Variants in PVALB observed in about 807,000 individuals in gnomAD.
PVALB encodes parvalbumin alpha.
PVALB carries 11 observed loss-of-function variants against 10.9 expected under a neutral mutation model. That is an observed-to-expected ratio of 1.01 (90% confidence interval 0.63 to 1.67). The LOEUF is 1.67. Ranked by LOEUF, PVALB falls within the 40% of genes most tolerant of loss-of-function variation. The pLI is 0.00. For missense variants in PVALB, 131 were observed against 136.2 expected (o/e 0.96, Z 0.19); for synonymous variants, 57 against 50.7 (o/e 1.12, Z -0.53).
At chr22:36,804,433 C>T (rs994239789) in intron 3 of PVALB, among the ~76,000 whole-genome samples, 7 of 152,322 alleles carry the variant, frequency 4.6e-5, no homozygotes, top group African/African-American at 1.2e-4. Context: ...TAGCCACATG[C>T]GCTGGCCTTC....
chr22:36,812,998 T>C (rs1158956313), intron 3 of PVALB, among the ~76,000 whole-genome samples: 2 of 152,234 alleles, frequency 1.3e-5, no homozygotes, highest in South Asian at 2.1e-4. Flanking sequence ...TGTGCTGACA[T>C]TGAAGCCTGC....
chr22:36,808,730 G>C (rs765824294), intron 3 of PVALB, among the ~76,000 whole-genome samples: 4 of 152,216 alleles, frequency 2.6e-5, no homozygotes, highest in Non-Finnish European at 5.9e-5. Flanking sequence ...GAGACCTGTT[G>C]TGAAGGTGAA....
chr22:36,812,882 G>A (rs79494138), intron 3 of PVALB, among the ~76,000 whole-genome samples: 3,775 of 152,276 alleles, frequency 0.025, 162 homozygotes, highest in African/African-American at 0.086. Context: ...AGATAATTCC[G>A]GAGAAAATCA....
intron 3 of PVALB, among the ~76,000 whole-genome samples, chr22:36,801,348 G>A (rs759875349): frequency 6.6e-6 from 1 of 152,116 alleles, no homozygotes; most frequent in Non-Finnish European, 1.5e-5. Context: ...TGAGGCTCAG[G>A]GTCCTGATTT....
At chr22:36,804,806 C>T (rs559470663) in intron 3 of PVALB, among the ~76,000 whole-genome samples, 18 of 152,146 alleles carry the variant, frequency 1.2e-4, no homozygotes, top group African/African-American at 2.4e-4. Context: ...TGGTGGCGCG[C>T]GCCTGTAATC....
intron 3 of PVALB, among the ~76,000 whole-genome samples, chr22:36,804,550 C>T (rs914950812): frequency 2.6e-5 from 4 of 152,214 alleles, no homozygotes; most frequent in Non-Finnish European, 5.9e-5. Context: ...TCCTATCTGC[C>T]TCAGGGCTGA....
chr22:36,816,767 G>C (rs1601525425), intron 1 of PVALB, among the ~76,000 whole-genome samples, 178 bp downstream of exon 1: 1 of 152,138 alleles, frequency 6.6e-6, no homozygotes, highest in South Asian at 2.1e-4. Flanking sequence ...GCCAAGCCTC[G>C]CCCGGACAGA....
Position 36,800,768 on chromosome 22 carries a change from A to G in PVALB, c.*122T>C. The G allele has an allele frequency of 1.8e-6, 2 of 1,092,058 alleles. No homozygotes were observed. The highest frequency in any genetic ancestry group is 2.8e-6 in the Non-Finnish European group (2 of 708,460). 67.6% of individuals were successfully genotyped at this position (1,092,058 alleles called of 1,614,324 possible). A position where few individuals can be genotyped will look rare whatever the true frequency, so the allele number is the denominator to read the frequency against. ...AAGAATGGTGTCATTAGAGGGCCAC[A>G]GGGGATGGGGGAGTAAAAAATAACA... is the stretch of plus-strand genomic sequence containing the variant. On this transcript the variant is annotated 3_prime_UTR_variant, in exon 4 of 4. Coordinates refer to ENST00000417718, the MANE Select transcript of PVALB (RefSeq NM_001315532.2).
chr22:36,808,104 CG>C (rs757276537), intron 3 of PVALB, among the ~76,000 whole-genome samples: 7 of 152,216 alleles, frequency 4.6e-5, no homozygotes, highest in Non-Finnish European at 1.0e-4. Flanking sequence ...ACGGGGCATG[CG>C]GATCTTCTCT....
In PVALB at chr22:36,812,031, AAC is replaced by A. The variant is rs576948643; in HGVS notation, c.304+1613_304+1614del. 1.3e-4 allele frequency among the ~76,000 whole-genome samples: 20 copies of A among 151,836 alleles called. No individual in the cohort carries two copies. The South Asian group carries it at 3.9e-3, about 30-fold the overall frequency. On this transcript the variant is annotated intron_variant, in intron 3 of 3. Transcript: ENST00000417718. ...CAGAAAAGAAATCAACAACAACAACAACAAAAAAAACCCTCTAACTCATAGGC... is the reference window on the plus strand; with the variant it reads ...CAGAAAAGAAATCAACAACAACAACAAAAAAAAACCCTCTAACTCATAGGC...
chr22:36,807,535 T>G (rs987666391), intron 3 of PVALB, among the ~76,000 whole-genome samples: 2 of 152,246 alleles, frequency 1.3e-5, no homozygotes, highest in East Asian at 1.9e-4. Flanking sequence ...AGGATTGAGA[T>G]TCCACCACTT....
chr22:36,803,074 G>A (rs1397289273), intron 3 of PVALB, among the ~76,000 whole-genome samples: 1 of 152,164 alleles, frequency 6.6e-6, no homozygotes, highest in East Asian at 1.9e-4. Flanking sequence ...AATGTGGGAA[G>A]CATTTTGCAT....
chr22:36,809,790 A>G (rs1939017297), intron 3 of PVALB, among the ~76,000 whole-genome samples: 1 of 150,440 alleles, frequency 6.6e-6, no homozygotes, highest in Non-Finnish European at 1.5e-5. Context: ...CCACTGAGAC[A>G]TCTGTGAAAT....
At chr22:36,808,046 G>C (rs1382829358) in intron 3 of PVALB, among the ~76,000 whole-genome samples, 1 of 152,214 alleles carries the variant, frequency 6.6e-6, no homozygotes, top group Non-Finnish European at 1.5e-5. Context: ...CGCCGGGAAT[G>C]GGTTTCAGGA....
intron 3 of PVALB, among the ~76,000 whole-genome samples, chr22:36,809,860 T>TTTG (rs1569092150): frequency 6.6e-6 from 1 of 151,360 alleles, no homozygotes; most frequent in Non-Finnish European, 1.5e-5. Context: ...CCCATGTTTT[T>TTTG]TTTTTTTTTT....
At chr22:36,812,672 GC>G (rs1179207819) in intron 3 of PVALB, among the ~76,000 whole-genome samples, 1 of 152,080 alleles carries the variant, frequency 6.6e-6, no homozygotes, top group African/African-American at 2.4e-5. Context: ...AACCCAGATA[GC>G]CTGGGGCCCA....
At chr22:36,817,243 C>T (rs1939158887), upstream of PVALB, 1 of 345,570 alleles carries the variant, frequency 2.9e-6, no homozygotes, top group Non-Finnish European at 5.2e-6. Context: ...ACTCCTGCAC[C>T]GCCAGGCCAG....
At chr22:36,807,223 T>C (rs1569091141) in intron 3 of PVALB, among the ~76,000 whole-genome samples, 1 of 152,206 alleles carries the variant, frequency 6.6e-6, no homozygotes, top group African/African-American at 2.4e-5. Context: ...GGCCAAGGAC[T>C]TCTATGTGAC....
At chr22:36,810,837 A>G (rs2145950676) in intron 3 of PVALB, among the ~76,000 whole-genome samples, 1 of 152,074 alleles carries the variant, frequency 6.6e-6, no homozygotes, top group Admixed American at 6.5e-5. Context: ...CCTTGCCTGG[A>G]CCCCACTCCC....
Sources: allele counts gnomAD v4.1 joint callset (sites outside exome capture counted in the v4.1 genomes callset), GRCh38; gene constraint gnomAD v4.1.1; transcripts MANE v1.5; gene names NCBI Gene and HGNC (gene_info 2026-07-23, HGNC 2026-07-21).